AURKC: variants seen among roughly 807,000 people sequenced by gnomAD.
AURKC encodes the protein ARK-3.
AURKC carries 15 observed loss-of-function variants against 29.2 expected under a neutral mutation model. The ratio of observed to expected loss-of-function variants is 0.51; its 90% CI spans 0.34 to 0.79. The LOEUF (loss-of-function observed/expected upper bound fraction) is 0.79. Among genes scored for constraint, AURKC ranks in the 30% least tolerant of loss-of-function variants. AURKC has a pLI of 0.01. For synonymous variants in AURKC, 150 were observed against 149.9 expected (o/e 1.00, Z -0.01); for missense variants, 332 against 383.2 (o/e 0.87, Z 1.12).
At chr19:57,231,639 C>A in intron 1 of AURKC, 103 bp from the exon 2 acceptor site, 1 of 1,311,212 alleles carries the variant, frequency 7.6e-7, no homozygotes, top group Non-Finnish European at 1.1e-6. Context: ...CCTCACCTCT[C>A]GCTCCCTATT....
Position 57,232,242 on chromosome 19 carries a change from T to C in AURKC, c.296+18T>C. On this transcript the variant is annotated intron_variant, in intron 3 of 6. Coordinates refer to ENST00000302804, the MANE Select transcript of AURKC (RefSeq NM_001015878.2). This position sits in a 1 kb window ranked among gnomAD's most constrained non-coding sequence, Gnocchi z 4.5. ...CATCTACAGTAAGGACAGTCTCTGC[T>C]TCCTCTTTCATCTTTGACGTCTGAG... 1 of 1,613,082 alleles carries C rather than the reference T, an allele frequency of 6.2e-7. No homozygotes were observed. The highest frequency in any genetic ancestry group is 8.5e-7 in the Non-Finnish European group (1 of 1,179,934).
Position 57,232,784 on chromosome 19 carries a change from T to A in AURKC, c.435+104T>A, listed in dbSNP as rs1020004879. 10 of 1,443,802 alleles carry A rather than the reference T, an allele frequency of 6.9e-6. No homozygotes were observed. The African/African-American group carries it at 9.8e-5, about 14-fold the overall frequency. 89.4% of individuals were successfully genotyped at this position (1,443,802 alleles called of 1,614,324 possible). ...GGGTCCGCATTGCCTTCTGAGAAGTTTACTTCTGAATGTTATTGTGTAAAT... is the reference window on the plus strand; with the variant it reads ...GGGTCCGCATTGCCTTCTGAGAAGTATACTTCTGAATGTTATTGTGTAAAT... On this transcript the variant is annotated intron_variant, in intron 4 of 6. Transcript: ENST00000302804. The surrounding 1 kb of genome is among the most constrained non-coding windows in gnomAD (Gnocchi z 4.5).
At position 57,232,647 on chromosome 19, in the gene AURKC, A is replaced by T; in HGVS notation, c.402A>T (p.Lys134Asn). 1.2e-6 allele frequency: 2 copies of T among 1,614,124 alleles called. No homozygotes were observed. Among genetic ancestry groups the T allele is most frequent in the Non-Finnish European group, 1.7e-6 (2 of 1,180,034 alleles). Residue 134 changes from lysine to asparagine, a missense_variant, in exon 4 of 7, where the codon AAA becomes AAT. Transcript: ENST00000302804. This position sits in a 1 kb window ranked among gnomAD's most constrained non-coding sequence, Gnocchi z 4.5. ...PRGELYKELQ[K>N]SEKLDEQRTA... ...GTGAGCTCTACAAGGAGCTGCAGAA[A>T]AGCGAGAAATTAGATGAACAGCGCA...
Position 57,232,087 on chromosome 19 carries a change from AT to A in AURKC, c.162del (p.Phe54LeufsTer18), listed in dbSNP as rs1275171554. On this transcript the variant is annotated frameshift_variant, in exon 3 of 7. Coordinates refer to ENST00000302804, the MANE Select transcript of AURKC (RefSeq NM_001015878.2). LOFTEE classifies it high-confidence loss of function. The surrounding 1 kb of genome is among the most constrained non-coding windows in gnomAD (Gnocchi z 4.5). ...TCGGGCGTCCCCTGGGCAAGGGGAAATTTGGGAATGTGTACCTGGCTCGGCT... is the reference window on the plus strand; with the variant it reads ...TCGGGCGTCCCCTGGGCAAGGGGAAATTGGGAATGTGTACCTGGCTCGGCT... The part of the protein sequence containing the change: ...EIGRPLGKGK[F>X]GNVYLARLKE... The A allele has an allele frequency of 6.2e-7, 1 of 1,614,056 alleles. No homozygotes were observed. Among genetic ancestry groups the A allele is most frequent in the Non-Finnish European group, 8.5e-7 (1 of 1,179,996 alleles).
At position 57,231,123 on chromosome 19, in the gene AURKC, GCAGGACGAGCAGGA is replaced by G. The variant is rs2087482514; in HGVS notation, c.-125_-112del. The G allele has an allele frequency of 6.9e-7, 1 of 1,449,254 alleles. No individual in the cohort carries two copies. The allele number at this position is 1,449,254 out of a possible 1,614,324, so 89.8% of individuals were successfully genotyped here. ...GTAGCAGTGAGACATCAGTGAGGCT[GCAGGACGAGCAGGA>G]TTGGAAGCGCCCCGGCCAGAAAGTG... On this transcript the variant is annotated 5_prime_UTR_variant, in exon 1 of 7. Transcript: ENST00000302804.
Position 57,231,735 on chromosome 19 carries a change from CT to C in AURKC, c.59-4del. 4.3e-6 allele frequency: 7 copies of C among 1,613,924 alleles called. No homozygotes were observed. Among genetic ancestry groups the C allele is most frequent in the Non-Finnish European group, 5.9e-6 (7 of 1,179,994 alleles). Reference sequence around the variant, plus strand: ...CTTCCTATCTCCCTCCTCCTCCTCTCTTTCAGTGGCTACAGCAAACCAAACA... The same window carrying C: ...CTTCCTATCTCCCTCCTCCTCCTCTCTTCAGTGGCTACAGCAAACCAAACA... On this transcript the variant is annotated splice_polypyrimidine_tract_variant and splice_region_variant and intron_variant, in intron 1 of 6. Coordinates refer to ENST00000302804, the MANE Select transcript of AURKC (RefSeq NM_001015878.2).
In AURKC at chr19:57,231,536, C is replaced by G. The variant is rs368807153; in HGVS notation, c.59-206C>G. 170 of 742,678 alleles carry G rather than the reference C, an allele frequency of 2.3e-4. 1 individual carries two copies. The East Asian group carries it at 4.0e-3, about 17-fold the overall frequency. The allele number at this position is 742,678 out of a possible 1,614,324, so 46.0% of individuals were successfully genotyped here. ...CTCTTCTTCACCTCCTCCTCCCCTC[C>G]CTACCTTACCTTACTCTTTCTTCTT... is the stretch of plus-strand genomic sequence containing the variant. On this transcript the variant is annotated intron_variant, in intron 1 of 6. Coordinates refer to ENST00000302804, the MANE Select transcript of AURKC (RefSeq NM_001015878.2).
intron 6 of AURKC, 70 bp from the exon 7 acceptor site, chr19:57,235,177 C>T: frequency 6.2e-7 from 1 of 1,611,664 alleles, no homozygotes; most frequent in South Asian, 1.1e-5. Flanking sequence ...TAACAAGGCT[C>T]AAAGAAGAGG....
Position 57,231,235 on chromosome 19 carries a change from C to T in AURKC, c.-14C>T, listed in dbSNP as rs568732755. 5 of 1,551,864 alleles carry T rather than the reference C, an allele frequency of 3.2e-6. No individual in the cohort carries two copies. Among genetic ancestry groups the T allele is most frequent in the South Asian group, 1.2e-5 (1 of 84,066 alleles). On this transcript the variant is annotated 5_prime_UTR_variant, in exon 1 of 7. Coordinates refer to ENST00000302804, the MANE Select transcript of AURKC (RefSeq NM_001015878.2). Reference sequence around the variant, plus strand: ...GGGTTCAGGAAGGCGTCCGCGCCCTCACCTCTTCTCCCCATGAGCTCCCCC... The same window carrying T: ...GGGTTCAGGAAGGCGTCCGCGCCCTTACCTCTTCTCCCCATGAGCTCCCCC...
At position 57,235,485 on chromosome 19, in the gene AURKC, C is replaced by T; in HGVS notation, c.*68C>T. ...CTCCTGGCTCTGCCACCTCATTTGT[C>T]TTTATTTTTTTCTCTTTTAAGATGT... On this transcript the variant is annotated 3_prime_UTR_variant, in exon 7 of 7. Coordinates refer to ENST00000302804, the MANE Select transcript of AURKC (RefSeq NM_001015878.2). The T allele has an allele frequency of 6.3e-7, 1 of 1,583,296 alleles. No homozygotes were observed. The highest frequency in any genetic ancestry group is 1.3e-5 in the African/African-American group (1 of 74,336).
At position 57,231,730 on chromosome 19, in the gene AURKC, C is replaced by A. The variant is rs1044957814; in HGVS notation, c.59-12C>A. 6.2e-7 allele frequency: 1 copy of A among 1,613,816 alleles called. No individual in the cohort carries two copies. Among genetic ancestry groups the A allele is most frequent in the African/African-American group, 1.3e-5 (1 of 74,820 alleles). On this transcript the variant is annotated splice_polypyrimidine_tract_variant and intron_variant, in intron 1 of 6. Coordinates refer to ENST00000302804, the MANE Select transcript of AURKC (RefSeq NM_001015878.2). Reference sequence around the variant, plus strand: ...TCTCCCTTCCTATCTCCCTCCTCCTCCTCTCTTTCAGTGGCTACAGCAAAC... The same window carrying A: ...TCTCCCTTCCTATCTCCCTCCTCCTACTCTCTTTCAGTGGCTACAGCAAAC...
Position 57,231,181 on chromosome 19 carries a change from G to T in AURKC, c.-68G>T, listed in dbSNP as rs1050812456. ...GAAAGTGACCCCCCACCCCTTTCAG[G>T]ACCCTGTGAACGGGAACAGCCATCC... On this transcript the variant is annotated 5_prime_UTR_variant, in exon 1 of 7. Coordinates refer to ENST00000302804, the MANE Select transcript of AURKC (RefSeq NM_001015878.2). The T allele has an allele frequency of 3.2e-6, 5 of 1,551,416 alleles. No individual in the cohort carries two copies. In the African/African-American group the frequency reaches 5.5e-5, roughly 17 times the overall value.
chr19:57,232,816 T>C lies in AURKC; in HGVS notation c.435+136T>C. ...TGAATGTTATTGTGTAAATTTAATA[T>C]AATGGCACGTATGTTCTACAGCTTT... On this transcript the variant is annotated intron_variant, in intron 4 of 6. Coordinates refer to ENST00000302804, the MANE Select transcript of AURKC (RefSeq NM_001015878.2). This position sits in a 1 kb window ranked among gnomAD's most constrained non-coding sequence, Gnocchi z 4.5. The C allele has an allele frequency of 8.8e-7, 1 of 1,138,624 alleles. No homozygotes were observed. Among genetic ancestry groups the C allele is most frequent in the East Asian group, 2.5e-5 (1 of 40,404 alleles). 70.5% of individuals were successfully genotyped at this position (1,138,624 alleles called of 1,614,324 possible). A position where few individuals can be genotyped will look rare whatever the true frequency, so the allele number is the denominator to read the frequency against.
chr19:57,233,227 A>G (rs1235102719), intron 4 of AURKC, among the ~76,000 whole-genome samples: 3 of 152,180 alleles, frequency 2.0e-5, no homozygotes, highest in Non-Finnish European at 4.4e-5. Flanking sequence ...TTGCTGTGCT[A>G]GGACAACAGG....
rs1568483237 is a variant in AURKC, at chr19:57,231,149, C to G, written c.-100C>G. ...CAGGACGAGCAGGATTGGAAGCGCC[C>G]CGGCCAGAAAGTGACCCCCCACCCC... On this transcript the variant is annotated 5_prime_UTR_variant, in exon 1 of 7. Coordinates refer to ENST00000302804, the MANE Select transcript of AURKC (RefSeq NM_001015878.2). 7 of 1,486,566 alleles carry G rather than the reference C, an allele frequency of 4.7e-6. No individual in the cohort carries two copies. Among genetic ancestry groups the G allele is most frequent in the Non-Finnish European group, 6.4e-6 (7 of 1,093,594 alleles). 92.1% of individuals were successfully genotyped at this position (1,486,566 alleles called of 1,614,324 possible). A position where few individuals can be genotyped will look rare whatever the true frequency, so the allele number is the denominator to read the frequency against.
Position 57,234,995 on chromosome 19 carries a change from G to A in AURKC, c.696G>A (p.Leu232=). 1 of 1,614,194 alleles carries A rather than the reference G, an allele frequency of 6.2e-7. No homozygotes were observed. Among genetic ancestry groups the A allele is most frequent in the Non-Finnish European group, 8.5e-7 (1 of 1,180,040 alleles). Residue 232 remains leucine (L), a synonymous_variant, in exon 6 of 7, where the codon CTG becomes CTA. Transcript: ENST00000302804. The part of the protein sequence containing the change: ...LWCIGVLCYE[L]LVGYPPFESA... ...GCATTGGAGTGCTCTGCTATGAGCT[G>A]CTGGTGGGATATCCACCCTTTGAGA...
Position 57,235,519 on chromosome 19 carries a change from A to G in AURKC, c.*102A>G. Reference sequence around the variant, plus strand: ...TTTCTCTTTTAAGATGTAAGATGCTAATTAATAAAAGCTGAATCATTTCAT... The same window carrying G: ...TTTCTCTTTTAAGATGTAAGATGCTGATTAATAAAAGCTGAATCATTTCAT... On this transcript the variant is annotated 3_prime_UTR_variant, in exon 7 of 7. Coordinates refer to ENST00000302804, the MANE Select transcript of AURKC (RefSeq NM_001015878.2). 1.4e-6 allele frequency: 2 copies of G among 1,394,582 alleles called. No homozygotes were observed. Among genetic ancestry groups the G allele is most frequent in the Non-Finnish European group, 2.0e-6 (2 of 992,852 alleles). 86.4% of individuals were successfully genotyped at this position (1,394,582 alleles called of 1,614,324 possible). A position where few individuals can be genotyped will look rare whatever the true frequency, so the allele number is the denominator to read the frequency against.
intron 2 of AURKC, 34 bp from the exon 3 acceptor site, chr19:57,231,999 C>G: frequency 6.2e-7 from 1 of 1,613,714 alleles, no homozygotes; most frequent in Non-Finnish European, 8.5e-7. Flanking sequence ...ACCCTACCTC[C>G]CAAGCTGAGG....
intron 2 of AURKC, 85 bp downstream of exon 2, chr19:57,231,872 C>A: frequency 6.2e-7 from 1 of 1,610,990 alleles, no homozygotes; most frequent in Non-Finnish European, 8.5e-7. Flanking sequence ...GGGGTGCTGG[C>A]TCCTGGGAAC....
Sources: allele counts gnomAD v4.1 joint callset (sites outside exome capture counted in the v4.1 genomes callset), GRCh38; gene constraint gnomAD v4.1.1; non-coding constraint Gnocchi (gnomAD v3.1); transcripts MANE v1.5; gene names NCBI Gene and HGNC (gene_info 2026-07-23, HGNC 2026-07-21).